Variants in STX18 observed in about 807,000 individuals in gnomAD.
The protein encoded by STX18 is syntaxin 18.
Under a neutral mutation model 50.1 loss-of-function variants are expected in STX18, and 40 were observed. That is an observed-to-expected ratio of 0.80 (90% CI 0.62 to 1.04). STX18 has a LOEUF of 1.04. Among genes scored for constraint, STX18 ranks in the 50% least tolerant of loss-of-function variants. STX18 has a pLI of 0.00. For synonymous variants in STX18, 158 were observed against 151.8 expected (o/e 1.04, Z -0.30); for missense variants, 410 against 415.8 (o/e 0.99, Z 0.12).
chr4:4,536,174 C>T (rs1193222842), intron 1 of STX18, among the ~76,000 whole-genome samples: 4 of 152,222 alleles, frequency 2.6e-5, no homozygotes, highest in Non-Finnish European at 5.9e-5. Context: ...ATGTAATATT[C>T]AAGAATCATG....
intron 1 of STX18, chr4:4,478,885 C>G (rs1395177441): frequency 2.0e-5 from 3 of 152,660 alleles, no homozygotes; most frequent in African/African-American, 7.2e-5. Flanking sequence ...CCATGCCCCA[C>G]TCGTATTGGG....
intron 1 of STX18, among the ~76,000 whole-genome samples, chr4:4,473,746 G>T (rs1728039474): frequency 1.3e-5 from 2 of 152,040 alleles, no homozygotes; most frequent in Admixed American, 1.3e-4. Flanking sequence ...GCCTACCAGG[G>T]GTCAAACACT....
chr4:4,515,657 G>C (rs998607218), intron 1 of STX18, among the ~76,000 whole-genome samples: 8 of 152,192 alleles, frequency 5.3e-5, no homozygotes, highest in East Asian at 1.9e-4. Flanking sequence ...ACGTGCTTTA[G>C]CAGTCTACAT....
At chr4:4,518,412 T>C (rs1730375980) in intron 1 of STX18, among the ~76,000 whole-genome samples, 2 of 152,366 alleles carry the variant, frequency 1.3e-5, no homozygotes, top group South Asian at 4.1e-4. Flanking sequence ...GGCCTTGTTA[T>C]TGTGCTGTTT....
rs762830444 is a variant in STX18, at chr4:4,425,225, G to A, written c.703-3C>T. The A allele has an allele frequency of 4.3e-6, 7 of 1,613,596 alleles. No individual in the cohort carries two copies. The Admixed American group carries it at 6.7e-5, about 15-fold the overall frequency. On this transcript the variant is annotated splice_region_variant and splice_polypyrimidine_tract_variant and intron_variant, in intron 7 of 10. Transcript: ENST00000306200. ...AGTCGCTGATTTTCCTGTTCAAACTGTGAGGAAACAGACACACTCAGGATG... is the reference window on the plus strand; with the variant it reads ...AGTCGCTGATTTTCCTGTTCAAACTATGAGGAAACAGACACACTCAGGATG...
chr4:4,420,575 A>G lies in STX18; in HGVS notation c.912+289T>C. 1 of 459,722 alleles carries G rather than the reference A, an allele frequency of 2.2e-6. No homozygotes were observed. Among genetic ancestry groups the G allele is most frequent in the South Asian group, 3.0e-5 (1 of 32,918 alleles). 28.5% of individuals were successfully genotyped at this position (459,722 alleles called of 1,614,324 possible). On this transcript the variant is annotated intron_variant, in intron 10 of 10. Coordinates refer to ENST00000306200, the MANE Select transcript of STX18 (RefSeq NM_016930.4). This position sits in a 1 kb window ranked among gnomAD's most constrained non-coding sequence, Gnocchi z 4.3. ...GTGGGGGCCAACGAGCTACCCATGT[A>G]CATCCCTGGACATGAAGAGCTGGCC...
intron 5 of STX18, among the ~76,000 whole-genome samples, chr4:4,451,410 G>A (rs980375741): frequency 2.6e-5 from 4 of 152,180 alleles, no homozygotes; most frequent in Admixed American, 6.5e-5. Context: ...TTATACAGCC[G>A]TACCTTGTTT....
At chr4:4,476,539 A>C (rs1310319755) in intron 1 of STX18, among the ~76,000 whole-genome samples, 1 of 152,168 alleles carries the variant, frequency 6.6e-6, no homozygotes, top group Non-Finnish European at 1.5e-5. Flanking sequence ...GTTTCATTTG[A>C]TGTTAAAGTC....
chr4:4,531,173 A>ACC (rs1731079033), intron 1 of STX18, among the ~76,000 whole-genome samples: 1 of 152,058 alleles, frequency 6.6e-6, no homozygotes, highest in South Asian at 2.1e-4. Context: ...ACACACACAC[A>ACC]CACCCTGGAC....
intron 1 of STX18, among the ~76,000 whole-genome samples, chr4:4,497,102 C>T (rs1729213553): frequency 6.6e-6 from 1 of 152,190 alleles, no homozygotes; most frequent in Admixed American, 6.5e-5. Flanking sequence ...ATTGGCTCTA[C>T]TGGCCCACGG....
chr4:4,492,280 G>C (rs987426030), intron 1 of STX18, among the ~76,000 whole-genome samples: 3 of 151,896 alleles, frequency 2.0e-5, no homozygotes, highest in Non-Finnish European at 4.4e-5. Flanking sequence ...ACCTTCTTTC[G>C]AACAGAAAGA....
At chr4:4,468,189 T>C (rs535711517) in intron 2 of STX18, among the ~76,000 whole-genome samples, 8 of 152,338 alleles carry the variant, frequency 5.3e-5, no homozygotes, top group African/African-American at 1.9e-4. Context: ...GAAACCCTTT[T>C]TTTTCCTCCT....
chr4:4,510,776 G>A (rs905107978), intron 1 of STX18, among the ~76,000 whole-genome samples: 1 of 152,150 alleles, frequency 6.6e-6, no homozygotes, highest in Non-Finnish European at 1.5e-5. Flanking sequence ...ATGATAGACT[G>A]GATAAAGCAA....
At chr4:4,443,079 G>A (rs1368100590) in intron 5 of STX18, among the ~76,000 whole-genome samples, 1 of 152,206 alleles carries the variant, frequency 6.6e-6, no homozygotes, top group Non-Finnish European at 1.5e-5. Flanking sequence ...GATGGTGAGA[G>A]TACCAAACAG....
chr4:4,450,701 T>C (rs1044170165), intron 5 of STX18, among the ~76,000 whole-genome samples: 6 of 152,184 alleles, frequency 3.9e-5, no homozygotes, highest in Non-Finnish European at 1.5e-5. Context: ...GTCCCTCTCC[T>C]GGCTTAGGCT....
chr4:4,425,896 T>C (rs1334058877), intron 7 of STX18: 2 of 152,644 alleles, frequency 1.3e-5, no homozygotes, highest in South Asian at 2.1e-4. Context: ...CAGTTTGATA[T>C]GGGCCAAAGA....
At chr4:4,539,487 G>A (rs1355384398) in intron 1 of STX18, among the ~76,000 whole-genome samples, 1 of 152,150 alleles carries the variant, frequency 6.6e-6, no homozygotes, top group Non-Finnish European at 1.5e-5. Context: ...AAGAACAGGA[G>A]ATAATACACA....
At chr4:4,533,493 C>T (rs190206106) in intron 1 of STX18, among the ~76,000 whole-genome samples, 72 of 152,244 alleles carry the variant, frequency 4.7e-4, no homozygotes, top group African/African-American at 1.6e-3. Context: ...AGTCCTTAAC[C>T]GAGTTCCTGA....
intron 1 of STX18, among the ~76,000 whole-genome samples, chr4:4,510,766 A>G (rs1172724287): frequency 1.3e-5 from 2 of 152,230 alleles, no homozygotes; most frequent in African/African-American, 4.8e-5. Flanking sequence ...AGGCCCATCA[A>G]TGATAGACTG....
Sources: gnomAD v4.1 joint callset for allele counts (sites outside exome capture counted in the v4.1 genomes callset) on GRCh38, gnomAD v4.1.1 for gene constraint, Gnocchi (gnomAD v3.1) non-coding constraint, MANE v1.5 for transcripts, NCBI Gene and HGNC (gene_info 2026-07-23, HGNC 2026-07-21) for gene names.